SDK1: variants seen among roughly 807,000 people sequenced by gnomAD.
SDK1 encodes the protein sidekick cell adhesion molecule 1.
In SDK1, 157 loss-of-function variants were observed where a neutral mutation model predicts 245.5. The ratio of observed to expected loss-of-function variants is 0.64; its 90% confidence interval spans 0.56 to 0.73. The LOEUF (loss-of-function observed/expected upper bound fraction) is 0.73. SDK1 is among the 30% of genes least tolerant of loss of function. The pLI is 0.00. For synonymous variants in SDK1, 1,647 were observed against 1,278.5 expected (o/e 1.29, Z -6.15); for missense variants, 3,583 against 3,002.3 (o/e 1.19, Z -4.52).
At chr7:3,360,751 G>T (rs1038578994) in intron 1 of SDK1, among the ~76,000 whole-genome samples, 1 of 152,136 alleles carries the variant, frequency 6.6e-6, no homozygotes, top group African/African-American at 2.4e-5. Flanking sequence ...TATTCTGTCA[G>T]TCTGACTGTA....
intron 4 of SDK1, among the ~76,000 whole-genome samples, chr7:3,744,140 T>C (rs1181194209): frequency 6.6e-6 from 1 of 152,072 alleles, no homozygotes; most frequent in Non-Finnish European, 1.5e-5. Flanking sequence ...TGAATGCTAT[T>C]CCTAAGATTT....
At chr7:4,202,555 C>T (rs1466470041) in intron 35 of SDK1, among the ~76,000 whole-genome samples, 4 of 152,136 alleles carry the variant, frequency 2.6e-5, no homozygotes, top group South Asian at 2.1e-4. Flanking sequence ...TTGGAGCGAC[C>T]GCCAGTCACA....
At chr7:3,426,445 C>A (rs1779679637) in intron 1 of SDK1, among the ~76,000 whole-genome samples, 1 of 152,208 alleles carries the variant, frequency 6.6e-6, no homozygotes, top group Non-Finnish European at 1.5e-5. Flanking sequence ...GGCAAGTCAC[C>A]TTCTCTGCTC....
chr7:4,112,966 C>G (rs1651033607), intron 23 of SDK1, among the ~76,000 whole-genome samples: 1 of 152,048 alleles, frequency 6.6e-6, no homozygotes, highest in Admixed American at 6.5e-5. Flanking sequence ...GTTGGCCAGG[C>G]TGATCTGGAA....
intron 38 of SDK1, among the ~76,000 whole-genome samples, chr7:4,210,829 C>G (rs1033940897): frequency 6.6e-6 from 1 of 152,216 alleles, no homozygotes; most frequent in African/African-American, 2.4e-5. Flanking sequence ...GTAATTAAAT[C>G]AGCAAACAAC....
rs767930683 is a variant in SDK1 at position 4,051,794 on chromosome 7, C to T, written c.2875C>T (p.Pro959Ser). Reference protein sequence around the residue: ...LCFTTPGDGPPSTPQLVWTQE... With the variant: ...LCFTTPGDGPSSTPQLVWTQE... ...CTTCACCACCCCTGGGGACGGGCCT[C>T]CCAGCACACCTCAGCTGGTCTGGAC... is the stretch of plus-strand genomic sequence containing the variant. Residue 959 changes from proline (P) to serine (S), a missense_variant, in exon 19 of 45, where the codon CCC (proline) becomes TCC (serine). Pro to Ser is a moderately conservative substitution (Grantham distance 74, BLOSUM62 -1). Transcript: ENST00000404826. 5.0e-6 allele frequency: 8 copies of T among 1,613,522 alleles called. No individual in the cohort carries two copies. The highest frequency in any genetic ancestry group is 4.0e-5 in the African/African-American group (3 of 74,906).
chr7:3,462,601 G>A (rs563900365), intron 1 of SDK1, among the ~76,000 whole-genome samples: 2 of 151,958 alleles, frequency 1.3e-5, no homozygotes, highest in East Asian at 1.9e-4. Flanking sequence ...AACTCAACTC[G>A]AACTAGACCA....
At chr7:4,129,793 A>G in intron 26 of SDK1, 115 bp from the exon 27 acceptor site, 2 of 1,537,578 alleles carry the variant, frequency 1.3e-6, no homozygotes, top group South Asian at 1.2e-5. Context: ...AGCCATCCTC[A>G]GGGAGAAAGC....
At chr7:3,325,647 A>G (rs1779922428) in intron 1 of SDK1, among the ~76,000 whole-genome samples, 1 of 152,176 alleles carries the variant, frequency 6.6e-6, no homozygotes, top group Non-Finnish European at 1.5e-5. Context: ...TATCAACAAA[A>G]TGAACCAGCT....
intron 1 of SDK1, among the ~76,000 whole-genome samples, chr7:3,431,909 C>G (rs1779857655): frequency 6.6e-6 from 1 of 151,800 alleles, no homozygotes; most frequent in African/African-American, 2.4e-5. Context: ...TAAAAAGATT[C>G]TCCCTAGAAT....
chr7:3,310,430 T>C (rs566272167), intron 1 of SDK1, among the ~76,000 whole-genome samples: 2 of 152,256 alleles, frequency 1.3e-5, no homozygotes, highest in Admixed American at 1.3e-4. Flanking sequence ...TAGGTGGTGG[T>C]GCTGGAGATG....
intron 1 of SDK1, among the ~76,000 whole-genome samples, chr7:3,455,824 A>G (rs1780648876): frequency 2.6e-5 from 4 of 152,172 alleles, no homozygotes; most frequent in African/African-American, 4.8e-5. Context: ...AACTTTGCTG[A>G]GATTTTGATA....
intron 5 of SDK1, among the ~76,000 whole-genome samples, chr7:3,941,626 C>T (rs1184122824): frequency 1.3e-5 from 2 of 152,222 alleles, no homozygotes; most frequent in African/African-American, 2.4e-5. Context: ...CCTGGAAGAA[C>T]TGACCTCAAC....
At chr7:3,668,847 A>C (rs952050741) in intron 4 of SDK1, among the ~76,000 whole-genome samples, 3 of 152,228 alleles carry the variant, frequency 2.0e-5, no homozygotes, top group Non-Finnish European at 2.9e-5. Context: ...GGGAGTCACA[A>C]AGTGTCCATT....
In SDK1 at chr7:3,377,137, A is replaced by G. The variant is rs112258089; in HGVS notation, c.298+75253A>G. On this transcript the variant is annotated intron_variant, in intron 1 of 44. Coordinates refer to ENST00000404826, the MANE Select transcript of SDK1 (RefSeq NM_152744.4). ...TAGGATTCTGTTCTGTAGTGGGTGT[A>G]TAGCTGTTCAATCTCTCTGAGGATA... Among the ~76,000 whole-genome samples the G allele has an allele frequency of 6.6e-5, 10 of 152,254 alleles. 2 individuals are homozygous for G. The highest frequency in any genetic ancestry group is 2.4e-4 in the African/African-American group (10 of 41,542).
intron 1 of SDK1, among the ~76,000 whole-genome samples, chr7:3,599,284 C>G (rs1201256227): frequency 1.3e-5 from 2 of 151,900 alleles, no homozygotes; most frequent in African/African-American, 4.8e-5. Flanking sequence ...AGTGAAATGT[C>G]TGTTTATATC....
chr7:3,415,132 G>A (rs950608743), intron 1 of SDK1, among the ~76,000 whole-genome samples: 2 of 152,062 alleles, frequency 1.3e-5, no homozygotes, highest in South Asian at 2.1e-4. Flanking sequence ...TATCTTTTGA[G>A]GTTGTATCCA....
chr7:3,884,290 T>C (rs1420190928), intron 5 of SDK1, among the ~76,000 whole-genome samples: 3 of 152,294 alleles, frequency 2.0e-5, no homozygotes, highest in East Asian at 1.9e-4. Context: ...CATTATTTCA[T>C]GTCCCACTAG....
chr7:3,313,761 A>T (rs1324802689), intron 1 of SDK1, among the ~76,000 whole-genome samples: 1 of 152,208 alleles, frequency 6.6e-6, no homozygotes, highest in African/African-American at 2.4e-5. Flanking sequence ...GGTGACTATA[A>T]TTAATGATAA....
Sources: gnomAD v4.1 joint callset for allele counts (sites outside exome capture counted in the v4.1 genomes callset) on GRCh38, gnomAD v4.1.1 for gene constraint, MANE v1.5 for transcripts, NCBI Gene and HGNC (gene_info 2026-07-23, HGNC 2026-07-21) for gene names.